Variants in PDZD2 observed in about 807,000 individuals in gnomAD.
The protein encoded by PDZD2 is PDZ domain-containing protein 2.
PDZD2 carries 90 observed loss-of-function variants against 220.7 expected under a neutral mutation model. The observed-to-expected ratio is 0.41, with a 90% CI of 0.34 to 0.49. The LOEUF (loss-of-function observed/expected upper bound fraction) is 0.49. Among genes scored for constraint, PDZD2 ranks in the 20% least tolerant of loss-of-function variants. The pLI, the probability that PDZD2 is intolerant of heterozygous loss-of-function variation, is 0.28. For synonymous variants in PDZD2, 1,375 were observed against 1,450.5 expected, an observed-to-expected ratio of 0.95 and a Z score of 1.18; for missense variants, 3,174 against 3,608.5, an observed-to-expected ratio of 0.88 and a Z score of 3.08.
chr5:31,648,085 TAAC>T (rs1355894177), intron 1 of PDZD2, among the ~76,000 whole-genome samples: 2 of 152,322 alleles, frequency 1.3e-5, no homozygotes, highest in East Asian at 3.9e-4. Flanking sequence ...CTGAAAATAG[TAAC>T]AACAACTGAT....
rs560401752 is a variant in PDZD2, at chr5:31,827,671, G to A, written c.476+27947G>A. On this transcript the variant is annotated intron_variant, in intron 2 of 24. Transcript: ENST00000438447. ...CACGCCACTGCACTCCAGCCTGGGT[G>A]ATAGAGCAAGACTCTGTCTCAAAAA... 4.5e-3 allele frequency among the ~76,000 whole-genome samples: 643 copies of A among 141,750 alleles called. 3 individuals are homozygous for A. The highest frequency in any genetic ancestry group is 8.0e-3 in the Non-Finnish European group (535 of 66,540). 93.0% of individuals were successfully genotyped at this position (141,750 alleles called of 152,430 possible).
rs1401886934 is a variant in PDZD2 at position 32,076,385 on chromosome 5, AAG to A, written c.3538-1074_3538-1073del. Among the ~76,000 whole-genome samples the A allele has an allele frequency of 2.0e-5, 3 of 150,694 alleles. No individual in the cohort carries two copies. In the Admixed American group the frequency reaches 2.0e-4, roughly 10 times the overall value. On this transcript the variant is annotated intron_variant, in intron 18 of 24. Transcript: ENST00000438447. ...CATAATAATTTATATCTATTAAAATAAGAGTTTTGTAATTCTAAGTTAATACT... is the reference window on the plus strand; with the variant it reads ...CATAATAATTTATATCTATTAAAATAAGTTTTGTAATTCTAAGTTAATACT...
At chr5:32,105,139 A>G (rs1332770589) in intron 24 of PDZD2, among the ~76,000 whole-genome samples, 1 of 151,406 alleles carries the variant, frequency 6.6e-6, no homozygotes. Context: ...GTCTCAAAAA[A>G]AAACAATCAA....
chr5:31,849,859 CATATATATATACAT>C (rs1757812252), intron 2 of PDZD2, among the ~76,000 whole-genome samples: 1 of 91,460 alleles, frequency 1.1e-5, no homozygotes, highest in Non-Finnish European at 1.9e-5. Flanking sequence ...CTCTCTCTCT[CATATATATATACAT>C]ATATATATAT....
intron 5 of PDZD2, among the ~76,000 whole-genome samples, chr5:32,008,333 G>A (rs1253032724): frequency 8.0e-6 from 1 of 125,356 alleles, no homozygotes; most frequent in Non-Finnish European, 1.6e-5. Flanking sequence ...TGCTGTTGTT[G>A]CCCAGGCTAC....
intron 2 of PDZD2, among the ~76,000 whole-genome samples, chr5:31,900,714 GC>G (rs1742017079): frequency 1.3e-5 from 2 of 152,172 alleles, no homozygotes; most frequent in Non-Finnish European, 2.9e-5. Flanking sequence ...AGAAAAATAT[GC>G]GAGCCTCCAG....
At chr5:31,727,558 G>T (rs1749228343) in intron 1 of PDZD2, among the ~76,000 whole-genome samples, 1 of 151,790 alleles carries the variant, frequency 6.6e-6, no homozygotes, top group Non-Finnish European at 1.5e-5. Context: ...CAATTAGCCG[G>T]ACATGGTGGT....
At chr5:31,943,570 A>G (rs1320571561) in intron 2 of PDZD2, among the ~76,000 whole-genome samples, 2 of 152,372 alleles carry the variant, frequency 1.3e-5, no homozygotes, top group East Asian at 3.9e-4. Context: ...AGAAATATTT[A>G]GAACCCAACC....
At chr5:32,048,066 GTATT>G (rs1388502904) in intron 7 of PDZD2, among the ~76,000 whole-genome samples, 1 of 152,080 alleles carries the variant, frequency 6.6e-6, no homozygotes, top group African/African-American at 2.4e-5. Flanking sequence ...ATTGAACTGT[GTATT>G]TATGAGTTGT....
chr5:31,826,062 C>G (rs1188977453), intron 2 of PDZD2, among the ~76,000 whole-genome samples: 1 of 152,092 alleles, frequency 6.6e-6, no homozygotes, highest in Admixed American at 6.6e-5. Context: ...AAATGTAGCA[C>G]CATTGCAACA....
chr5:31,712,391 C>A (rs990302468), intron 1 of PDZD2, among the ~76,000 whole-genome samples: 2 of 151,804 alleles, frequency 1.3e-5, no homozygotes, highest in African/African-American at 4.8e-5. Context: ...GGGTCAGAGA[C>A]CTTGGCAATG....
At chr5:31,761,719 G>A (rs1313477275) in intron 1 of PDZD2, among the ~76,000 whole-genome samples, 1 of 151,936 alleles carries the variant, frequency 6.6e-6, no homozygotes, top group Non-Finnish European at 1.5e-5. Context: ...AAAGTAGCTG[G>A]GCATGGTAGT....
chr5:32,072,419 G>A (rs1309156511), intron 17 of PDZD2, 102 bp downstream of exon 17: 16 of 922,168 alleles, frequency 1.7e-5, no homozygotes, highest in South Asian at 5.2e-5. Flanking sequence ...CTACCCTGGC[G>A]CTGTAATACG....
intron 2 of PDZD2, among the ~76,000 whole-genome samples, chr5:31,898,101 C>T (rs985903923): frequency 7.2e-5 from 11 of 152,192 alleles, no homozygotes; most frequent in African/African-American, 2.7e-4. Context: ...TGTCTCCTCC[C>T]TGGAGCCAAC....
chr5:31,878,555 C>CTTGTTTTTTTTTTTT (rs1739531670), intron 2 of PDZD2, among the ~76,000 whole-genome samples: 1 of 48,198 alleles, frequency 2.1e-5, no homozygotes, highest in Non-Finnish European at 3.7e-5. Flanking sequence ...ATGACCTCGG[C>CTTGTTTTTTTTTTTT]TTTTTTTTTT....
In PDZD2 at chr5:31,799,143, A is replaced by T; in HGVS notation, c.-106A>T. The T allele has an allele frequency of 1.4e-6, 1 of 691,688 alleles. No homozygotes were observed. The highest frequency in any genetic ancestry group is 2.4e-6 in the Non-Finnish European group (1 of 409,312). 42.8% of individuals were successfully genotyped at this position (691,688 alleles called of 1,614,324 possible). Reference sequence around the variant, plus strand: ...CATCTGCCAGCCTGAACATGAACACAGGCAAAGCTGATGATGGCCAGGGAC... The same window carrying T: ...CATCTGCCAGCCTGAACATGAACACTGGCAAAGCTGATGATGGCCAGGGAC... On this transcript the variant is annotated 5_prime_UTR_variant, in exon 2 of 25. Coordinates refer to ENST00000438447, the MANE Select transcript of PDZD2 (RefSeq NM_178140.4).
rs554928487 is a variant in PDZD2 at position 31,844,051 on chromosome 5, A to G, written c.476+44327A>G. On this transcript the variant is annotated intron_variant, in intron 2 of 24. Coordinates refer to ENST00000438447, the MANE Select transcript of PDZD2 (RefSeq NM_178140.4). ...GTTGGAGAACATGGAATAATTAGGA[A>G]GGGGCATCTGATCCTTGAGGTCAAT... is the stretch of plus-strand genomic sequence containing the variant. 7 of 152,278 alleles carry G rather than the reference A, an allele frequency of 4.6e-5. No homozygotes were observed. The East Asian group carries it at 1.2e-3, about 25-fold the overall frequency. The allele number at this position is 152,278 out of a possible 1,614,324, so 9.4% of individuals were successfully genotyped here. A position where few individuals can be genotyped will look rare whatever the true frequency, so the allele number is the denominator to read the frequency against.
chr5:31,898,813 T>TG (rs1741817844), intron 2 of PDZD2, among the ~76,000 whole-genome samples: 3 of 150,268 alleles, frequency 2.0e-5, no homozygotes, highest in South Asian at 2.1e-4. Context: ...CTCTTCTTTT[T>TG]TTTTTTTTTT....
intron 2 of PDZD2, among the ~76,000 whole-genome samples, chr5:31,951,047 G>A (rs1747132040): frequency 2.0e-5 from 3 of 152,010 alleles, no homozygotes; most frequent in Non-Finnish European, 4.4e-5. Context: ...GGGCAGATAA[G>A]CTCCCTCAGG....
Sources: allele counts gnomAD v4.1 joint callset (sites outside exome capture counted in the v4.1 genomes callset), GRCh38; gene constraint gnomAD v4.1.1; transcripts MANE v1.5; gene names NCBI Gene and HGNC (gene_info 2026-07-23, HGNC 2026-07-21).